The following P2RX3 variants were observed in gnomAD, a reference collection of about 807,000 sequenced individuals.
The protein encoded by P2RX3 is purinergic receptor P2X 3.
In P2RX3, 41 loss-of-function variants were observed where a neutral mutation model predicts 51.5. The ratio of observed to expected loss-of-function variants is 0.80; its 90% CI spans 0.62 to 1.03. The LOEUF (loss-of-function observed/expected upper bound fraction) is 1.03. P2RX3 is among the 50% of genes least tolerant of loss of function. The probability of loss-of-function intolerance (pLI) is 0.00; values close to 1 mark genes in which losing one functional copy is unlikely to be tolerated. For missense variants in P2RX3, 459 were observed against 522.1 expected, an observed-to-expected ratio of 0.88 and a Z score of 1.18; for synonymous variants, 185 against 191.6, an observed-to-expected ratio of 0.97 and a Z score of 0.29.
chr11:57,371,570 A>G lies in P2RX3; in HGVS notation c.*1573A>G, dbSNP rs181688974. ...TGGGTACTTGCAAAGGCCTTGCCCA[A>G]TGACCCCCCGCTCCAGGGGGAGAAG... On this transcript the variant is annotated 3_prime_UTR_variant, in exon 12 of 12. Coordinates refer to ENST00000263314, the MANE Select transcript of P2RX3 (RefSeq NM_002559.5). Among the ~76,000 whole-genome samples the G allele has an allele frequency of 3.2e-3, 484 of 152,288 alleles. 2 individuals carry two copies. The highest frequency in any genetic ancestry group is 3.4e-3 in the Middle Eastern group (1 of 294).
chr11:57,354,806 G>T (rs895231019), intron 8 of P2RX3, among the ~76,000 whole-genome samples: 1 of 152,118 alleles, frequency 6.6e-6, no homozygotes, highest in African/African-American at 2.4e-5. Context: ...ATCCGTCAGG[G>T]TCCCCGCAGG....
At position 57,348,160 on chromosome 11, in the gene P2RX3, C is replaced by T. The variant is rs1856476006; in HGVS notation, c.392-10C>T. 6.4e-7 allele frequency: 1 copy of T among 1,570,758 alleles called. No homozygotes were observed. ...AGGCAGCCACCCAGCAGCTGTGGCTCTCACTTTAGGGATCCTCACTGGCCG... is the reference window on the plus strand; with the variant it reads ...AGGCAGCCACCCAGCAGCTGTGGCTTTCACTTTAGGGATCCTCACTGGCCG... On this transcript the variant is annotated splice_polypyrimidine_tract_variant and intron_variant, in intron 4 of 11. Coordinates refer to ENST00000263314, the MANE Select transcript of P2RX3 (RefSeq NM_002559.5).
At chr11:57,346,141 C>T (rs1056936180) in intron 1 of P2RX3, among the ~76,000 whole-genome samples, 5 of 152,262 alleles carry the variant, frequency 3.3e-5, no homozygotes, top group African/African-American at 1.2e-4. Flanking sequence ...GAGAAGTGGC[C>T]CCCATCAGCA....
At chr11:57,364,085 G>A (rs904807581) in intron 8 of P2RX3, among the ~76,000 whole-genome samples, 14 of 152,148 alleles carry the variant, frequency 9.2e-5, no homozygotes, top group African/African-American at 2.2e-4. Context: ...TGTCAGAGCC[G>A]TTTTCATGGT....
rs1287159539 is a variant in P2RX3 at position 57,371,236 on chromosome 11, G to A, written c.*1239G>A. Reference sequence around the variant, plus strand: ...TTTCTGTCCTCTCCTACAGTGAGAGGCCCAGAAATTGCCCCAGGGCAGGGC... The same window carrying A: ...TTTCTGTCCTCTCCTACAGTGAGAGACCCAGAAATTGCCCCAGGGCAGGGC... On this transcript the variant is annotated 3_prime_UTR_variant, in exon 12 of 12. Coordinates refer to ENST00000263314, the MANE Select transcript of P2RX3 (RefSeq NM_002559.5). 1.3e-5 allele frequency among the ~76,000 whole-genome samples: 2 copies of A among 152,232 alleles called. No homozygotes were observed. Among genetic ancestry groups the A allele is most frequent in the Admixed American group, 6.5e-5 (1 of 15,290 alleles).
chr11:57,356,265 G>T (rs369756696), intron 8 of P2RX3, among the ~76,000 whole-genome samples: 2 of 151,984 alleles, frequency 1.3e-5, no homozygotes, highest in African/African-American at 4.8e-5. Flanking sequence ...CATGCCTTGC[G>T]CCATCACATG....
At chr11:57,339,225 G>C (rs1487519182) in intron 1 of P2RX3, among the ~76,000 whole-genome samples, 1 of 152,150 alleles carries the variant, frequency 6.6e-6, no homozygotes, top group African/African-American at 2.4e-5. Context: ...GATGGTGAGA[G>C]AGAGAAGGGC....
At chr11:57,340,179 G>T (rs1225933111) in intron 1 of P2RX3, among the ~76,000 whole-genome samples, 2 of 152,224 alleles carry the variant, frequency 1.3e-5, no homozygotes, top group African/African-American at 2.4e-5. Flanking sequence ...GTTGGCCCAG[G>T]TGAGTGCAAA....
At position 57,338,414 on chromosome 11, in the gene P2RX3, G is replaced by T. The variant is rs1856273884; in HGVS notation, c.-137G>T. 2.1e-5 allele frequency: 12 copies of T among 559,200 alleles called. No individual in the cohort carries two copies. Among genetic ancestry groups the T allele is most frequent in the South Asian group, 5.6e-5 (2 of 35,462 alleles). 34.6% of individuals were successfully genotyped at this position (559,200 alleles called of 1,614,324 possible). ...TCACTAGGATTGCATGGCTTAAAGG[G>T]ACAGGCTCCCCATTCCTCCAACCCC... On this transcript the variant is annotated 5_prime_UTR_variant, in exon 1 of 12. Transcript: ENST00000263314.
chr11:57,349,787 G>A lies in P2RX3; in HGVS notation c.594G>A (p.Arg198=), dbSNP rs1490436955. 2.5e-6 allele frequency: 4 copies of A among 1,614,168 alleles called. No homozygotes were observed. Among genetic ancestry groups the A allele is most frequent in the Non-Finnish European group, 3.4e-6 (4 of 1,180,038 alleles). ...ACCTCCTTCCCAACCTGACAGCCAG[G>A]GACATGAAGACCTGCCGCTTCCACC... The part of the protein sequence containing the change: ...KGNLLPNLTA[R]DMKTCRFHPD... The change falls in exon 7 of 12, where the codon AGG becomes AGA. Residue 198 remains arginine (R), a synonymous_variant. Transcript: ENST00000263314.
At chr11:57,352,334 A>G (rs1049173040) in intron 8 of P2RX3, among the ~76,000 whole-genome samples, 1 of 152,220 alleles carries the variant, frequency 6.6e-6, no homozygotes, top group African/African-American at 2.4e-5. Context: ...TAAAAAAACC[A>G]TAGGAAACAA....
intron 2 of P2RX3, 23 bp downstream of exon 2, chr11:57,346,702 G>T: frequency 6.2e-7 from 1 of 1,611,668 alleles, no homozygotes; most frequent in Non-Finnish European, 8.5e-7. Flanking sequence ...TACCCAGAGA[G>T]GCATGTGGAT....
intron 8 of P2RX3, among the ~76,000 whole-genome samples, chr11:57,356,909 C>T (rs529112251): frequency 6.6e-6 from 1 of 152,322 alleles, no homozygotes; most frequent in South Asian, 2.1e-4. Context: ...ACCCTATTCT[C>T]ACAGCAACCA....
intron 1 of P2RX3, among the ~76,000 whole-genome samples, chr11:57,343,387 G>A (rs1485445734): frequency 3.3e-5 from 5 of 152,208 alleles, no homozygotes; most frequent in Non-Finnish European, 5.9e-5. Context: ...CACAGGGTCC[G>A]GTTCAGGGGG....
chr11:57,356,694 T>G (rs969639340), intron 8 of P2RX3, among the ~76,000 whole-genome samples: 1 of 152,232 alleles, frequency 6.6e-6, no homozygotes, highest in Non-Finnish European at 1.5e-5. Context: ...AATCTGGATT[T>G]TTCTCTTTCC....
intron 8 of P2RX3, among the ~76,000 whole-genome samples, chr11:57,357,972 G>A (rs910740950): frequency 2.6e-5 from 4 of 152,198 alleles, no homozygotes; most frequent in African/African-American, 9.7e-5. Context: ...GCTCCGGCAA[G>A]TTTGTTGCTG....
upstream of P2RX3, among the ~76,000 whole-genome samples, chr11:57,337,885 AG>A (rs1856264998): frequency 6.6e-6 from 1 of 152,292 alleles, no homozygotes; most frequent in African/African-American, 2.4e-5. Flanking sequence ...GCTATGCTAC[AG>A]GTAGAGCGAA....
At chr11:57,355,433 C>T (rs547440011) in intron 8 of P2RX3, among the ~76,000 whole-genome samples, 4 of 151,052 alleles carry the variant, frequency 2.6e-5, no homozygotes, top group East Asian at 1.9e-4. Context: ...CTCTACCTCC[C>T]GGGTTGATGC....
intron 8 of P2RX3, among the ~76,000 whole-genome samples, chr11:57,352,683 C>A (rs1478746579): frequency 6.6e-6 from 1 of 152,134 alleles, no homozygotes; most frequent in Non-Finnish European, 1.5e-5. Flanking sequence ...TTCTTTATCT[C>A]CAATTTATTG....
Sources: gnomAD v4.1 joint callset for allele counts (sites outside exome capture counted in the v4.1 genomes callset) on GRCh38, gnomAD v4.1.1 for gene constraint, MANE v1.5 for transcripts, NCBI Gene and HGNC (gene_info 2026-07-23, HGNC 2026-07-21) for gene names.